Variants in ITGB2 observed in about 807,000 individuals in gnomAD.
ITGB2 encodes the protein integrin subunit beta 2.
ITGB2 carries 56 observed loss-of-function variants against 86.8 expected under a neutral mutation model. That is an observed-to-expected ratio of 0.65 (90% CI 0.52 to 0.81). The LOEUF (loss-of-function observed/expected upper bound fraction) is 0.81, where lower values mean the gene tolerates loss of function less well. Ranked by LOEUF, ITGB2 falls within the 30% of genes least tolerant of loss-of-function variation. The pLI is 0.00. For missense variants in ITGB2, 948 were observed against 1,061.2 expected (o/e 0.89, Z 1.48); for synonymous variants, 457 against 450.4 (o/e 1.01, Z -0.19).
upstream of ITGB2, among the ~76,000 whole-genome samples, chr21:44,924,248 G>T (rs944021415): frequency 6.6e-6 from 1 of 151,100 alleles, no homozygotes; most frequent in Non-Finnish European, 1.5e-5. Context: ...TGGCCAACAT[G>T]GCAAAACCCT....
At chr21:44,893,359 A>G (rs779909423) in intron 10 of ITGB2, 45 bp downstream of exon 10, 1 of 1,606,824 alleles carries the variant, frequency 6.2e-7, no homozygotes, top group Non-Finnish European at 8.5e-7. Flanking sequence ...CTGTCCCCAG[A>G]GCCCCTCAGC....
upstream of ITGB2, among the ~76,000 whole-genome samples, chr21:44,922,658 GAAAAA>G (rs10532717): frequency 4.4e-5 from 5 of 114,706 alleles, no homozygotes; most frequent in African/African-American, 8.8e-5. Flanking sequence ...GGGTAACTGA[GAAAAA>G]AAAAAAAAAA....
At chr21:44,906,737 AG>A (rs1456304773) in intron 4 of ITGB2, among the ~76,000 whole-genome samples, 177 bp downstream of exon 4, 2 of 152,128 alleles carry the variant, frequency 1.3e-5, no homozygotes, top group African/African-American at 4.8e-5. Flanking sequence ...ACAGAGCGGA[AG>A]GGCACTGAGG....
At chr21:44,908,809 A>G (rs2084084605) in intron 3 of ITGB2, among the ~76,000 whole-genome samples, 2 of 152,238 alleles carry the variant, frequency 1.3e-5, no homozygotes, top group African/African-American at 2.4e-5. Flanking sequence ...GGCAAGGGAC[A>G]TGGAGATGGG....
intron 3 of ITGB2, 63 bp downstream of exon 3, chr21:44,910,221 G>C: frequency 6.3e-7 from 1 of 1,585,364 alleles, no homozygotes; most frequent in East Asian, 2.3e-5. Flanking sequence ...ACTGGCTTCA[G>C]GGGCAGGAAA....
At chr21:44,892,340 C>T (rs2083798003) in intron 10 of ITGB2, among the ~76,000 whole-genome samples, 2 of 152,052 alleles carry the variant, frequency 1.3e-5, no homozygotes, top group African/African-American at 2.4e-5. Context: ...CATGGGACAG[C>T]TGGGCGCCGC....
chr21:44,899,984 G>A (rs1379226070), intron 7 of ITGB2, among the ~76,000 whole-genome samples: 4 of 152,286 alleles, frequency 2.6e-5, no homozygotes, highest in African/African-American at 9.6e-5. Context: ...AGGCGGGGAC[G>A]GCAGGGTGCA....
At chr21:44,915,023 C>T (rs2084184635) in intron 1 of ITGB2, among the ~76,000 whole-genome samples, 1 of 152,140 alleles carries the variant, frequency 6.6e-6, no homozygotes, top group Non-Finnish European at 1.5e-5. Flanking sequence ...CCAGCGGGGT[C>T]AGGCTTCCTT....
At chr21:44,900,260 G>C in intron 7 of ITGB2, 60 bp downstream of exon 7, 1 of 1,606,030 alleles carries the variant, frequency 6.2e-7, no homozygotes, top group African/African-American at 1.3e-5. Context: ...CCCCACCCTT[G>C]TCTCCTCCGT....
intron 1 of ITGB2, among the ~76,000 whole-genome samples, chr21:44,918,629 G>A (rs1218767794): frequency 6.6e-6 from 1 of 152,218 alleles, no homozygotes; most frequent in Non-Finnish European, 1.5e-5. Flanking sequence ...CGCGGCCCCT[G>A]TGCAGAACTT....
At chr21:44,918,540 CG>C (rs567036097) in intron 1 of ITGB2, among the ~76,000 whole-genome samples, 65 of 152,338 alleles carry the variant, frequency 4.3e-4, no homozygotes, top group African/African-American at 1.5e-3. Context: ...AACTGAGTCA[CG>C]GGGGACCAAA....
At chr21:44,888,268 C>G (rs770448545) in intron 14 of ITGB2, among the ~76,000 whole-genome samples, 10 of 152,228 alleles carry the variant, frequency 6.6e-5, no homozygotes, top group Non-Finnish European at 1.5e-4. Context: ...GGCTGAGAGC[C>G]GAGCACCAGG....
chr21:44,926,329 T>C (rs1345457993), intron 1 of ITGB2, among the ~76,000 whole-genome samples: 1 of 152,194 alleles, frequency 6.6e-6, no homozygotes, highest in Non-Finnish European at 1.5e-5. Context: ...TGTGCACGTT[T>C]TTCTTTGTGG....
At chr21:44,917,113 T>G (rs1450044705) in intron 1 of ITGB2, among the ~76,000 whole-genome samples, 1 of 152,166 alleles carries the variant, frequency 6.6e-6, no homozygotes, top group Non-Finnish European at 1.5e-5. Context: ...GGAAGAAAAC[T>G]GGCTAAGAAA....
intron 1 of ITGB2, among the ~76,000 whole-genome samples, chr21:44,926,551 A>G (rs1055311298): frequency 1.3e-5 from 2 of 152,192 alleles, no homozygotes; most frequent in African/African-American, 2.4e-5. Flanking sequence ...CCAGCCAAGC[A>G]GCCACAGGAA....
Position 44,886,881 on chromosome 21 carries a change from A to G in ITGB2, c.2102T>C (p.Ile701Thr). The change falls in exon 15 of 16, where the codon ATC becomes ACC. Residue 701 changes from isoleucine (I) to threonine (T), a missense_variant. By Grantham distance (89) the Ile-to-Thr change is moderately conservative. Coordinates refer to ENST00000652462, the MANE Select transcript of ITGB2 (RefSeq NM_000211.5). ...ESRECVAGPN[I>T]AAIVGGTVAG... is the part of the protein sequence containing the mutation. ...CACGGTGCCCCCGACGATGGCGGCG[A>G]TGTTGGGGCCTGCCACACACTCTAG... The G allele has an allele frequency of 6.2e-7, 1 of 1,613,324 alleles. No individual in the cohort carries two copies. Among genetic ancestry groups the G allele is most frequent in the Non-Finnish European group, 8.5e-7 (1 of 1,179,998 alleles).
chr21:44,910,829 C>T (rs1289433426), intron 1 of ITGB2, 44 bp from the exon 2 acceptor site: 2 of 1,580,734 alleles, frequency 1.3e-6, no homozygotes, highest in Non-Finnish European at 1.7e-6. Flanking sequence ...GGCCCAACCC[C>T]TGGGGCTGAC....
chr21:44,902,706 TG>T (rs1439188539), intron 5 of ITGB2, among the ~76,000 whole-genome samples: 15 of 150,916 alleles, frequency 9.9e-5, no homozygotes, highest in African/African-American at 3.2e-4. Flanking sequence ...TGTGTGTGAG[TG>T]TGCATTGCAT....
chr21:44,893,196 C>G, intron 10 of ITGB2: 1 of 573,144 alleles, frequency 1.7e-6, no homozygotes, highest in South Asian at 1.9e-5. Flanking sequence ...GAAACAGGGT[C>G]CTTCCAGTGG....
Sources: gnomAD v4.1 joint callset for allele counts (sites outside exome capture counted in the v4.1 genomes callset) on GRCh38, gnomAD v4.1.1 for gene constraint, MANE v1.5 for transcripts, NCBI Gene and HGNC (gene_info 2026-07-23, HGNC 2026-07-21) for gene names.